Variants in STPG2 observed in about 807,000 individuals in gnomAD.
The protein encoded by STPG2 is sperm-tail PG-rich repeat-containing protein 2.
In STPG2, 56 loss-of-function variants were observed where a neutral mutation model predicts 54.2. That is an observed-to-expected ratio of 1.03 (90% CI 0.83 to 1.29). The LOEUF (loss-of-function observed/expected upper bound fraction) is 1.29, where lower values mean the gene tolerates loss of function less well. STPG2 is among the 50% of genes most tolerant of loss of function. STPG2 has a pLI of 0.00. For synonymous variants in STPG2, 200 were observed against 181.8 expected, an observed-to-expected ratio of 1.10 and a Z score of -0.81; for missense variants, 596 against 544.9, an observed-to-expected ratio of 1.09 and a Z score of -0.93.
chr4:97,980,442 A>C (rs1202556603), intron 6 of STPG2, among the ~76,000 whole-genome samples: 2 of 152,190 alleles, frequency 1.3e-5, no homozygotes, highest in African/African-American at 4.8e-5. Context: ...AATGCAGAAG[A>C]CATGATATCC....
chr4:97,457,236 G>A (rs1560616760), intron 4 of STPG2, among the ~76,000 whole-genome samples: 1 of 152,196 alleles, frequency 6.6e-6, no homozygotes, highest in Non-Finnish European at 1.5e-5. Flanking sequence ...ATATGACCCA[G>A]TGATCATACT....
chr4:97,981,195 G>C lies in STPG2; in HGVS notation c.736C>G (p.Arg246Gly), dbSNP rs375848968. The C allele has an allele frequency of 3.7e-6, 6 of 1,613,800 alleles. No homozygotes were observed. Among genetic ancestry groups the C allele is most frequent in the Non-Finnish European group, 5.1e-6 (6 of 1,179,948 alleles). ...TCTGTCCTGATGTCCTGTGTGAATC[G>C]AACAGCACTTTGACCAAATGGAATA... ...KNIPFGQSAV[R>G]FTQDIRTEEM... Residue 246 changes from arginine to glycine, a missense_variant, in exon 6 of 11, where the codon CGA becomes GGA. Coordinates refer to ENST00000295268, the MANE Select transcript of STPG2 (RefSeq NM_174952.3).
rs528010119 is a variant in STPG2 at position 97,529,884 on chromosome 4, C to T, written c.462+182815G>A. Reference sequence around the variant, plus strand: ...CTATCAATTCCTCAAAGAGACTTTTCATTTAACTCAATCTGAAGTAGCTGC... The same window carrying T: ...CTATCAATTCCTCAAAGAGACTTTTTATTTAACTCAATCTGAAGTAGCTGC... On this transcript the variant is annotated intron_variant, in intron 4 of 4. Transcript: ENST00000522676. 5.3e-5 allele frequency among the ~76,000 whole-genome samples: 8 copies of T among 152,204 alleles called. No individual in the cohort carries two copies. The South Asian group carries it at 1.7e-3, about 32-fold the overall frequency.
intron 10 of STPG2, among the ~76,000 whole-genome samples, chr4:97,559,892 C>T (rs1732180182): frequency 1.3e-5 from 2 of 152,176 alleles, no homozygotes; most frequent in Non-Finnish European, 2.9e-5. Context: ...TAAGAGCCTA[C>T]TGTATGCAAA....
rs546871396 is a variant in STPG2 at position 97,831,512 on chromosome 4, T to C, written c.1204+9261A>G. Among the ~76,000 whole-genome samples, 7 of 151,444 alleles carry C rather than the reference T, an allele frequency of 4.6e-5. No homozygotes were observed. The East Asian group carries it at 1.4e-3, about 29-fold the overall frequency. Reference sequence around the variant, plus strand: ...TCAAGAGCTAGCAGAAGACAAGAAATAACTAAGATCAGAGCAGAAATGAAG... The same window carrying C: ...TCAAGAGCTAGCAGAAGACAAGAAACAACTAAGATCAGAGCAGAAATGAAG... On this transcript the variant is annotated intron_variant, in intron 9 of 10. Coordinates refer to ENST00000295268, the MANE Select transcript of STPG2 (RefSeq NM_174952.3).
intron 8 of STPG2, among the ~76,000 whole-genome samples, chr4:97,909,177 A>G (rs950940083): frequency 3.3e-5 from 5 of 151,836 alleles, no homozygotes; most frequent in Admixed American, 2.0e-4. Flanking sequence ...TTAAGAAGCA[A>G]TTGTTAATTA....
intron 9 of STPG2, among the ~76,000 whole-genome samples, chr4:97,751,899 C>A: frequency 6.6e-6 from 1 of 151,638 alleles, no homozygotes. Flanking sequence ...GGGTCTCTTT[C>A]TAGGCATACA....
At chr4:98,097,460 T>C (rs535124401) in intron 5 of STPG2, among the ~76,000 whole-genome samples, 21 of 152,116 alleles carry the variant, frequency 1.4e-4, no homozygotes, top group African/African-American at 5.1e-4. Flanking sequence ...AAAAACCAGG[T>C]ATAGAAGGAA....
At chr4:97,520,008 G>A (rs942283314) in intron 4 of STPG2, among the ~76,000 whole-genome samples, 1 of 151,910 alleles carries the variant, frequency 6.6e-6, no homozygotes, top group Non-Finnish European at 1.5e-5. Context: ...GTAAAATAGG[G>A]ATAAAAATAG....
chr4:97,882,197 T>G (rs1281828231), intron 8 of STPG2, among the ~76,000 whole-genome samples: 1 of 152,154 alleles, frequency 6.6e-6, no homozygotes. Context: ...GAACTGAAGA[T>G]ACAAAGAGAA....
rs1479947625 is a variant in STPG2 at position 98,143,114 on chromosome 4, C to T, written c.37G>A (p.Glu13Lys). 1.2e-6 allele frequency: 2 copies of T among 1,613,870 alleles called. No individual in the cohort carries two copies. Among genetic ancestry groups the T allele is most frequent in the Non-Finnish European group, 8.5e-7 (1 of 1,179,976 alleles). The change falls in exon 1 of 11, where the codon GAA (glutamate) becomes AAA (lysine). Residue 13 changes from glutamate to lysine, a missense_variant. Transcript: ENST00000295268. Reference protein sequence around the residue: ...DRAPRLLKLAEGGSTEAHVGP... With the variant: ...DRAPRLLKLAKGGSTEAHVGP... ...ACATGGGCCTCAGTGCTGCCACCTTCAGCCAATTTGAGCAGGCGGGGAGCC... is the reference window on the plus strand; with the variant it reads ...ACATGGGCCTCAGTGCTGCCACCTTTAGCCAATTTGAGCAGGCGGGGAGCC...
chr4:97,635,369 C>T (rs939117786), intron 10 of STPG2, among the ~76,000 whole-genome samples: 1 of 152,204 alleles, frequency 6.6e-6, no homozygotes, highest in African/African-American at 2.4e-5. Flanking sequence ...ACAACTGGTA[C>T]TAGCTGCTGC....
At chr4:97,661,336 C>G (rs1722372232) in intron 10 of STPG2, among the ~76,000 whole-genome samples, 1 of 152,074 alleles carries the variant, frequency 6.6e-6, no homozygotes, top group African/African-American at 2.4e-5. Flanking sequence ...TTTCTGAGCC[C>G]ATTACATTAT....
intron 10 of STPG2, among the ~76,000 whole-genome samples, chr4:97,704,352 A>C (rs1395549837): frequency 6.6e-6 from 1 of 152,192 alleles, no homozygotes; most frequent in African/African-American, 2.4e-5. Flanking sequence ...TACAAGAAAT[A>C]CTTCCATAAT....
chr4:97,797,880 A>C (rs974941021), intron 9 of STPG2, among the ~76,000 whole-genome samples: 1 of 152,158 alleles, frequency 6.6e-6, no homozygotes, highest in Non-Finnish European at 1.5e-5. Context: ...TTATTGGTCT[A>C]TTAAGGAATT....
chr4:97,677,155 A>G (rs1722876426), intron 10 of STPG2, among the ~76,000 whole-genome samples: 1 of 152,234 alleles, frequency 6.6e-6, no homozygotes, highest in Non-Finnish European at 1.5e-5. Flanking sequence ...ATGGACAGTC[A>G]GGTACTATCT....
At chr4:97,774,441 C>T (rs165249) in intron 9 of STPG2, among the ~76,000 whole-genome samples, 24,505 of 152,054 alleles carry the variant, frequency 0.16, 2,147 homozygotes, top group East Asian at 0.36. Flanking sequence ...AACAAATAAA[C>T]AGTTTGACCA....
At chr4:97,835,562 G>A (rs1319187559) in intron 9 of STPG2, among the ~76,000 whole-genome samples, 3 of 152,078 alleles carry the variant, frequency 2.0e-5, no homozygotes, top group Admixed American at 6.6e-5. Context: ...GGAAATTAGT[G>A]TTATTTTCAT....
intron 4 of STPG2, among the ~76,000 whole-genome samples, chr4:97,447,316 T>C (rs1318107982): frequency 3.3e-5 from 5 of 152,100 alleles, no homozygotes; most frequent in Admixed American, 1.3e-4. Flanking sequence ...AAAAGAAAAA[T>C]CTATTTTCTG....
Sources: gnomAD v4.1 joint callset for allele counts (sites outside exome capture counted in the v4.1 genomes callset) on GRCh38, gnomAD v4.1.1 for gene constraint, MANE v1.5 for transcripts, NCBI Gene and HGNC (gene_info 2026-07-23, HGNC 2026-07-21) for gene names.